The following MEIG1 variants were observed in gnomAD, a reference collection of about 807,000 sequenced individuals.
MEIG1 encodes meiosis expressed gene 1 protein homolog.
Under a neutral mutation model 11.3 loss-of-function variants are expected in MEIG1, and 12 were observed. That is an observed-to-expected ratio of 1.07 (90% CI 0.68 to 1.73). The LOEUF (loss-of-function observed/expected upper bound fraction) is 1.73, where lower values mean the gene tolerates loss of function less well. MEIG1 is among the 40% of genes most tolerant of loss of function. The pLI is 0.00. For missense variants in MEIG1, 119 were observed against 104.9 expected, an observed-to-expected ratio of 1.13 and a Z score of -0.59; for synonymous variants, 41 against 33.2, an observed-to-expected ratio of 1.24 and a Z score of -0.81.
intron 1 of MEIG1, among the ~76,000 whole-genome samples, chr10:14,979,875 T>C (rs1402109941): frequency 6.6e-6 from 1 of 152,058 alleles, no homozygotes; most frequent in African/African-American, 2.4e-5. Flanking sequence ...GTGATACTAT[T>C]CGTTATATCG....
At chr10:14,973,769 CAA>C (rs59507280), downstream of MEIG1, among the ~76,000 whole-genome samples, 28 of 90,460 alleles carry the variant, frequency 3.1e-4, no homozygotes, top group Admixed American at 8.3e-4. Flanking sequence ...GACTCCATCT[CAA>C]AAAAAAAAAA....
chr10:14,959,554 A>C lies in MEIG1; in HGVS notation c.-33A>C. 1 of 152,276 alleles carries C rather than the reference A, an allele frequency of 6.6e-6. No homozygotes were observed. Among genetic ancestry groups the C allele is most frequent in the East Asian group, 1.9e-4 (1 of 5,190 alleles). 9.4% of individuals were successfully genotyped at this position (152,276 alleles called of 1,614,324 possible). A position where few individuals can be genotyped will look rare whatever the true frequency, so the allele number is the denominator to read the frequency against. On this transcript the variant is annotated 5_prime_UTR_variant, in exon 1 of 3. Transcript: ENST00000407572. ...AGGATAACCCAGTAGAGCCGGACCC[A>C]GGGGTGGGTGGATGCGTCGCTGGAG...
chr10:14,977,560 C>A (rs981626486), downstream of MEIG1, among the ~76,000 whole-genome samples: 1 of 151,664 alleles, frequency 6.6e-6, no homozygotes, highest in Admixed American at 6.6e-5. Context: ...AGAGATATTA[C>A]TTTAAATATC....
At chr10:14,966,683 A>G (rs1194921540) in intron 2 of MEIG1, 77 bp downstream of exon 2, 2 of 1,334,490 alleles carry the variant, frequency 1.5e-6, no homozygotes, top group African/African-American at 3.0e-5. Flanking sequence ...AAACAACCAG[A>G]GAATAACTGA....
chr10:14,967,998 A>T (rs1033143824), intron 2 of MEIG1, among the ~76,000 whole-genome samples: 1 of 152,232 alleles, frequency 6.6e-6, no homozygotes. Flanking sequence ...GTATTGTAAA[A>T]TATGACATAG....
chr10:14,965,881 GA>G (rs1843077129), intron 1 of MEIG1, among the ~76,000 whole-genome samples: 1 of 151,618 alleles, frequency 6.6e-6, no homozygotes, highest in Non-Finnish European at 1.5e-5. Flanking sequence ...TATTGATAAA[GA>G]AAAAAACAGT....
rs1412144046 is a variant in MEIG1, at chr10:14,972,537, T to C, written c.163T>C (p.Tyr55His). The change falls in exon 3 of 3, where the codon TAT (tyrosine) becomes CAT (histidine). Residue 55 changes from tyrosine (Y) to histidine (H), a missense_variant. Coordinates refer to ENST00000407572, the MANE Select transcript of MEIG1 (RefSeq NM_001080836.3). ...GGTAGATCGTTGGCCGGAGACAGGA[T>C]ATGTGAAGAAACTTCAGAGAAGGGA... Reference protein sequence around the residue: ...SMVDRWPETGYVKKLQRRDNT... With the variant: ...SMVDRWPETGHVKKLQRRDNT... 6.2e-7 allele frequency: 1 copy of C among 1,613,942 alleles called. No individual in the cohort carries two copies. Among genetic ancestry groups the C allele is most frequent in the Non-Finnish European group, 8.5e-7 (1 of 1,179,968 alleles).
At chr10:14,959,798 C>T (rs997704724) in intron 1 of MEIG1, among the ~76,000 whole-genome samples, 10 of 152,230 alleles carry the variant, frequency 6.6e-5, no homozygotes, top group African/African-American at 2.4e-4. Context: ...TCCGGGCCGC[C>T]CCGGACCCCA....
chr10:14,985,629 T>G lies in MEIG1; in HGVS notation n.67-1167T>G, dbSNP rs562388227. Reference sequence around the variant, plus strand: ...CGTGTGTGTACACCACCTGTGATATTATTCATAATAGCCTAGGAGGATGTT... The same window carrying G: ...CGTGTGTGTACACCACCTGTGATATGATTCATAATAGCCTAGGAGGATGTT... On this transcript the variant is annotated intron_variant and non_coding_transcript_variant, in intron 1 of 2. Transcript: ENST00000467536. 1.3e-4 allele frequency among the ~76,000 whole-genome samples: 20 copies of G among 152,126 alleles called. No homozygotes were observed. In the South Asian group the frequency reaches 3.1e-3, roughly 24 times the overall value.
rs554191681 is a variant in MEIG1 at position 14,986,501 on chromosome 10, T to C, written n.67-295T>C. On this transcript the variant is annotated intron_variant and non_coding_transcript_variant, in intron 1 of 2. Coordinates refer to the MEIG1 transcript ENST00000467536. ...CAAACACTAGAACTCACTTATTCCATCTTTCTGTATTTCAGGACCCAATTA... is the reference window on the plus strand; with the variant it reads ...CAAACACTAGAACTCACTTATTCCACCTTTCTGTATTTCAGGACCCAATTA... Among the ~76,000 whole-genome samples the C allele has an allele frequency of 1.1e-3, 163 of 152,342 alleles. 1 individual carries two copies. The highest frequency in any genetic ancestry group is 3.8e-3 in the African/African-American group (159 of 41,564).
intron 1 of MEIG1, 82 bp from the exon 2 acceptor site, chr10:14,966,358 G>A (rs947166875): frequency 1.5e-5 from 15 of 979,226 alleles, no homozygotes; most frequent in Admixed American, 3.5e-5. Context: ...CACCGCACCC[G>A]GCCAGTTTTG....
chr10:14,980,371 G>T (rs779124301), intron 1 of MEIG1, among the ~76,000 whole-genome samples: 1 of 151,636 alleles, frequency 6.6e-6, no homozygotes, highest in African/African-American at 2.4e-5. Context: ...CAATCTGTGA[G>T]GTTATTCATA....
intron 1 of MEIG1, among the ~76,000 whole-genome samples, chr10:14,980,331 A>T (rs560961161): frequency 6.6e-6 from 1 of 152,206 alleles, no homozygotes; most frequent in South Asian, 2.1e-4. Context: ...TTCTAGAAAG[A>T]TGTTAACTTC....
chr10:14,986,632 TG>T (rs1589217070), intron 1 of MEIG1, among the ~76,000 whole-genome samples: 1 of 152,340 alleles, frequency 6.6e-6, no homozygotes, highest in East Asian at 1.9e-4. Flanking sequence ...AGGTGTATGA[TG>T]GAGTCTCTTT....
At chr10:14,978,210 G>T (rs1589214394) in intron 1 of MEIG1, among the ~76,000 whole-genome samples, 2 of 151,852 alleles carry the variant, frequency 1.3e-5, no homozygotes, top group South Asian at 2.1e-4. Context: ...GTCACATGGG[G>T]TGTACACCCT....
At chr10:14,983,318 C>T (rs182372630) in intron 1 of MEIG1, among the ~76,000 whole-genome samples, 1 of 152,042 alleles carries the variant, frequency 6.6e-6, no homozygotes, top group Admixed American at 6.6e-5. Context: ...AGTGCACAAC[C>T]CTTCTGTGAC....
chr10:14,958,963 T>C (rs570892570), upstream of MEIG1, among the ~76,000 whole-genome samples: 1 of 152,284 alleles, frequency 6.6e-6, no homozygotes, highest in Non-Finnish European at 1.5e-5. Flanking sequence ...GCTTAGATAG[T>C]ACTGTAATAT....
intron 1 of MEIG1, among the ~76,000 whole-genome samples, chr10:14,979,763 TA>T (rs758129154): frequency 1.2e-4 from 19 of 152,036 alleles, no homozygotes; most frequent in Non-Finnish European, 2.2e-4. Context: ...GATATTACTT[TA>T]AAAATCACAG....
chr10:14,978,060 G>A (rs1437269319), intron 1 of MEIG1, among the ~76,000 whole-genome samples: 1 of 151,784 alleles, frequency 6.6e-6, no homozygotes, highest in Non-Finnish European at 1.5e-5. Flanking sequence ...TCACAGGGGT[G>A]TACACCCTGT....
Sources: allele counts gnomAD v4.1 joint callset (sites outside exome capture counted in the v4.1 genomes callset), GRCh38; gene constraint gnomAD v4.1.1; transcripts MANE v1.5; gene names NCBI Gene and HGNC (gene_info 2026-07-23, HGNC 2026-07-21).